CAPN14: variants seen among roughly 807,000 people sequenced by gnomAD.
CAPN14 encodes calpain-14.
A neutral mutation model predicts 101.3 loss-of-function variants in CAPN14; 94 were observed. The observed-to-expected ratio is 0.93, with a 90% CI of 0.79 to 1.10. CAPN14 has a LOEUF of 1.10. CAPN14 is among the 50% of genes least tolerant of loss of function. The pLI is 0.00. For synonymous variants in CAPN14, 338 were observed against 317.9 expected (o/e 1.06, Z -0.67); for missense variants, 837 against 828.4 (o/e 1.01, Z -0.13).
intron 1 of CAPN14, among the ~76,000 whole-genome samples, chr2:31,227,001 C>T (rs1683041132): frequency 6.6e-6 from 1 of 152,162 alleles, no homozygotes; most frequent in African/African-American, 2.4e-5. Context: ...TCCCTATCTT[C>T]CTCTTCAGGA....
intron 1 of CAPN14, among the ~76,000 whole-genome samples, chr2:31,227,566 C>A (rs1364800473): frequency 6.6e-6 from 1 of 152,206 alleles, no homozygotes; most frequent in Non-Finnish European, 1.5e-5. Context: ...AAAAACGTAT[C>A]AGGTCCTTGA....
rs113792962 is a variant in CAPN14 at position 31,206,038 on chromosome 2, AT to A, written c.-52-540del. Among the ~76,000 whole-genome samples, 171 of 98,570 alleles carry A rather than the reference AT, an allele frequency of 1.7e-3. 2 individuals are homozygous for A. The highest frequency in any genetic ancestry group is 3.9e-3 in the East Asian group (13 of 3,344). The allele number at this position is 98,570 out of a possible 152,430, so 64.7% of individuals were successfully genotyped here. A position where few individuals can be genotyped will look rare whatever the true frequency, so the allele number is the denominator to read the frequency against. The stretch of plus-strand genomic sequence containing the variant: ...TTATCTTTATTTTTTTTATTTATTT[AT>A]TTTTTTTTTTTGAGACAGAGTCTCA... On this transcript the variant is annotated intron_variant, in intron 1 of 21. Transcript: ENST00000403897.
At chr2:31,219,003 T>C (rs375128159), upstream of CAPN14, among the ~76,000 whole-genome samples, 13 of 152,266 alleles carry the variant, frequency 8.5e-5, no homozygotes, top group African/African-American at 2.9e-4. Context: ...CTTTTCATTT[T>C]CATCTCCTCA....
At chr2:31,204,627 G>C (rs1681976103) in intron 2 of CAPN14, among the ~76,000 whole-genome samples, 1 of 152,078 alleles carries the variant, frequency 6.6e-6, no homozygotes, top group Non-Finnish European at 1.5e-5. Context: ...AGGGTGTAAG[G>C]AGCTCTGAAT....
At chr2:31,189,777 T>C (rs1364072278) in intron 12 of CAPN14, 6 of 499,762 alleles carry the variant, frequency 1.2e-5, no homozygotes, top group African/African-American at 9.6e-5. Flanking sequence ...GCCTTCCATT[T>C]TATGGCTGAG....
At chr2:31,200,020 T>C (rs79785303) in intron 6 of CAPN14, among the ~76,000 whole-genome samples, 30,239 of 152,068 alleles carry the variant, frequency 0.2, 3,343 homozygotes, top group East Asian at 0.37. Flanking sequence ...TTTTGCTTTT[T>C]AAAACGGAAT....
rs267599343 is a variant in CAPN14, at chr2:31,193,180, C to A, written c.1065G>T (p.Gly355=). ...CAGCTGTGCTCCGCTTCTCCCATCT[C>A]CCCTCCCGCATGGTGTACGTCCACT... ...AQKWTYTMRE[G]RWEKRSTAGG... is the part of the protein sequence containing the mutation. The change falls in exon 10 of 22, where the codon GGG becomes GGT. Residue 355 remains glycine, a synonymous_variant. Transcript: ENST00000403897. 6.4e-7 allele frequency: 1 copy of A among 1,551,586 alleles called. No homozygotes were observed. Among genetic ancestry groups the A allele is most frequent in the Non-Finnish European group, 8.7e-7 (1 of 1,147,000 alleles).
chr2:31,189,281 G>A lies in CAPN14; in HGVS notation c.1485C>T (p.His495=). The part of the protein sequence containing the change: ...EFVLRVFSRK[H]IFYEIGSNSG... ...AGACCTTGTGTCCTTACTAAAAGATGTGCTTCCTGGAGAAGACCCTGAGGA... is the reference window on the plus strand; with the variant it reads ...AGACCTTGTGTCCTTACTAAAAGATATGCTTCCTGGAGAAGACCCTGAGGA... The change falls in exon 13 of 22, where the codon CAC becomes CAT. Residue 495 remains histidine, a synonymous_variant. Transcript: ENST00000403897. 6.4e-7 allele frequency: 1 copy of A among 1,551,116 alleles called. No homozygotes were observed.
intron 3 of CAPN14, among the ~76,000 whole-genome samples, chr2:31,202,538 C>T (rs554696406): frequency 6.6e-6 from 1 of 152,122 alleles, no homozygotes; most frequent in South Asian, 2.1e-4. Flanking sequence ...GGGACCTCAA[C>T]GCCACTCACT....
chr2:31,180,270 C>A (rs1334409443), intron 17 of CAPN14, among the ~76,000 whole-genome samples: 1 of 152,178 alleles, frequency 6.6e-6, no homozygotes, highest in Non-Finnish European at 1.5e-5. Context: ...CTGGGACCTG[C>A]TCCATGCCCG....
intron 12 of CAPN14, 147 bp from the exon 13 acceptor site, chr2:31,189,625 G>T: frequency 1.4e-6 from 1 of 726,686 alleles, no homozygotes; most frequent in Non-Finnish European, 2.5e-6. Context: ...AAACAAGTGG[G>T]GAGGAAAGGA....
chr2:31,226,251 T>C lies in CAPN14; in HGVS notation c.-53+277A>G, dbSNP rs549592831. On this transcript the variant is annotated intron_variant and NMD_transcript_variant, in intron 2 of 21. Transcript: ENST00000398824. The stretch of plus-strand genomic sequence containing the variant: ...TTGTCTGCCTGTGTATTTTTAAATA[T>C]CCCACGCTCATAGGTTCTGCCTTTA... Among the ~76,000 whole-genome samples the C allele has an allele frequency of 2.6e-5, 4 of 152,336 alleles. No homozygotes were observed. In the South Asian group the frequency reaches 8.3e-4, roughly 32 times the overall value.
chr2:31,232,027 G>A (rs1266805776), intron 1 of CAPN14, among the ~76,000 whole-genome samples: 2 of 152,144 alleles, frequency 1.3e-5, no homozygotes, highest in Non-Finnish European at 2.9e-5. Context: ...GAGGGAGTCG[G>A]GAGATCTGAG....
chr2:31,177,890 C>A, intron 18 of CAPN14, 69 bp from the exon 19 acceptor site: 1 of 1,150,120 alleles, frequency 8.7e-7, no homozygotes. Flanking sequence ...GCCCTGTGTG[C>A]CCCTTGTCAG....
chr2:31,218,152 T>C (rs73921597), upstream of CAPN14, among the ~76,000 whole-genome samples: 508 of 152,270 alleles, frequency 3.3e-3, 1 homozygote, highest in African/African-American at 0.011. Flanking sequence ...TTGGGTCCCG[T>C]TGCTCCAAAT....
intron 12 of CAPN14, among the ~76,000 whole-genome samples, chr2:31,190,245 A>C (rs867391239): frequency 1.3e-4 from 20 of 151,888 alleles, no homozygotes; most frequent in African/African-American, 4.8e-4. Flanking sequence ...AGGGCTATAG[A>C]GGGAGAGGAG....
chr2:31,174,598 G>T lies in CAPN14; in HGVS notation c.*83C>A. 1.4e-6 allele frequency: 2 copies of T among 1,400,768 alleles called. No homozygotes were observed. Among genetic ancestry groups the T allele is most frequent in the Non-Finnish European group, 2.0e-6 (2 of 1,011,682 alleles). 86.8% of individuals were successfully genotyped at this position (1,400,768 alleles called of 1,614,324 possible). On this transcript the variant is annotated 3_prime_UTR_variant, in exon 22 of 22. Coordinates refer to ENST00000403897, the MANE Select transcript of CAPN14 (RefSeq NM_001145122.2). The stretch of plus-strand genomic sequence containing the variant: ...GCTGTCCTGAAGATCAGTAAGTAGG[G>T]TGGGCATGGGTTGGTCTCAGCCAAA...
intron 1 of CAPN14, among the ~76,000 whole-genome samples, chr2:31,212,664 G>T (rs1682460744): frequency 6.6e-6 from 1 of 152,150 alleles, no homozygotes; most frequent in Non-Finnish European, 1.5e-5. Flanking sequence ...ATTCCCAGGG[G>T]TCCATTCAGT....
intron 1 of CAPN14, among the ~76,000 whole-genome samples, chr2:31,215,800 C>A (rs1251959550): frequency 1.3e-5 from 2 of 149,730 alleles, no homozygotes; most frequent in African/African-American, 2.5e-5. Context: ...GTTAAAAACC[C>A]AGGCAAACTT....
Sources: allele counts gnomAD v4.1 joint callset (sites outside exome capture counted in the v4.1 genomes callset), GRCh38; gene constraint gnomAD v4.1.1; transcripts MANE v1.5; gene names NCBI Gene and HGNC (gene_info 2026-07-23, HGNC 2026-07-21).